Variants in TTLL8 observed in about 807,000 individuals in gnomAD.
The protein encoded by TTLL8 is tubulin tyrosine ligase like 8.
Under a neutral mutation model 77.8 loss-of-function variants are expected in TTLL8, and 65 were observed. The observed-to-expected ratio is 0.84, with a 90% CI of 0.68 to 1.03. The LOEUF (loss-of-function observed/expected upper bound fraction) is 1.03. Ranked by LOEUF, TTLL8 falls within the 50% of genes least tolerant of loss-of-function variation. The pLI is 0.00. For missense variants in TTLL8, 910 were observed against 1,004.5 expected, an observed-to-expected ratio of 0.91 and a Z score of 1.27; for synonymous variants, 402 against 422.8, an observed-to-expected ratio of 0.95 and a Z score of 0.60.
At position 50,027,919 on chromosome 22, in the gene TTLL8, G is replaced by A. The variant is rs574094736; in HGVS notation, c.2203+2511C>T. On this transcript the variant is annotated intron_variant, in intron 12 of 13. Transcript: ENST00000266182. ...CACGGGTTGGAGTTGTTTGCCACGC[G>A]TGGCAACTGCGGCAGGAACCTGACT... 1.3e-4 allele frequency among the ~76,000 whole-genome samples: 20 copies of A among 152,246 alleles called. No individual in the cohort carries two copies. The South Asian group carries it at 4.2e-3, about 32-fold the overall frequency.
At chr22:50,035,560 G>A (rs376070203) in intron 8 of TTLL8, among the ~76,000 whole-genome samples, 2 of 152,204 alleles carry the variant, frequency 1.3e-5, no homozygotes, top group Admixed American at 1.3e-4. Flanking sequence ...CGTGGTGAGC[G>A]CCGAGCACTC....
At chr22:50,048,794 C>T (rs547032723) in intron 3 of TTLL8, among the ~76,000 whole-genome samples, 7 of 152,350 alleles carry the variant, frequency 4.6e-5, no homozygotes, top group South Asian at 4.1e-4. Flanking sequence ...GTTTCTCTTT[C>T]GCCCTCTTTA....
intron 12 of TTLL8, among the ~76,000 whole-genome samples, chr22:50,024,779 C>T (rs2061222324): frequency 6.6e-6 from 1 of 152,178 alleles, no homozygotes; most frequent in Non-Finnish European, 1.5e-5. Context: ...CCAGTAAGCA[C>T]CAGGAGACCT....
At chr22:50,030,267 G>A in intron 12 of TTLL8, 163 bp downstream of exon 13, 1 of 984,366 alleles carries the variant, frequency 1.0e-6, no homozygotes, top group Non-Finnish European at 1.2e-6. Context: ...CCCCAACCCC[G>A]CTCCCCGGCT....
At position 50,045,196 on chromosome 22, in the gene TTLL8, C is replaced by A. The variant is rs2061400998; in HGVS notation, c.643+59G>T. The A allele has an allele frequency of 2.3e-6, 3 of 1,307,470 alleles. No homozygotes were observed. The African/African-American group carries it at 4.5e-5, about 20-fold the overall frequency. The allele number at this position is 1,307,470 out of a possible 1,614,324, so 81.0% of individuals were successfully genotyped here. On this transcript the variant is annotated intron_variant, in intron 6 of 13. Transcript: ENST00000266182. Reference sequence around the variant, plus strand: ...TGACCACACCCAGGAGGCGGGAGGGCCCCTGTGGAGGCCCCGAGCTCTGGT... The same window carrying A: ...TGACCACACCCAGGAGGCGGGAGGGACCCTGTGGAGGCCCCGAGCTCTGGT...
intron 12 of TTLL8, among the ~76,000 whole-genome samples, chr22:50,025,706 A>G (rs778231059): frequency 2.0e-5 from 3 of 152,194 alleles, no homozygotes; most frequent in Non-Finnish European, 4.4e-5. Context: ...AACCAAAGGC[A>G]AGCAACCTAA....
intron 12 of TTLL8, among the ~76,000 whole-genome samples, chr22:50,022,486 C>G (rs1482713128): frequency 6.6e-6 from 1 of 150,426 alleles, no homozygotes; most frequent in African/African-American, 2.5e-5. Context: ...ACTCCTCCAT[C>G]TGACGTGCAC....
At chr22:50,057,861 T>C (rs1447208531), upstream of TTLL8, among the ~76,000 whole-genome samples, 3 of 150,078 alleles carry the variant, frequency 2.0e-5, no homozygotes, top group African/African-American at 7.4e-5. Context: ...GCTGTGGAGT[T>C]CCCAGAAGAT....
At chr22:50,031,465 G>T in intron 11 of TTLL8, 2 of 846,764 alleles carry the variant, frequency 2.4e-6, no homozygotes, top group Non-Finnish European at 2.8e-6. Flanking sequence ...CACGCCTGGA[G>T]TAGCCCCTTC....
chr22:50,027,488 C>T (rs1477199759), intron 12 of TTLL8: 19 of 383,496 alleles, frequency 5.0e-5, no homozygotes, highest in African/African-American at 3.8e-4. Context: ...GAGCCAAGAT[C>T]GAGCCACTGC....
In TTLL8 at chr22:50,041,907, C is replaced by T; in HGVS notation, c.644-100G>A. On this transcript the variant is annotated intron_variant, in intron 6 of 13. Transcript: ENST00000266182. This position sits in a 1 kb window ranked among gnomAD's most constrained non-coding sequence, Gnocchi z 4.3. ...CTAAAGTCATGGACAAAGGCTGCTC[C>T]ACTCCCTCTGTGCCCCAATACCCAA... 3 of 1,071,254 alleles carry T rather than the reference C, an allele frequency of 2.8e-6. No homozygotes were observed. Among genetic ancestry groups the T allele is most frequent in the Non-Finnish European group, 2.4e-6 (2 of 817,892 alleles). The allele number at this position is 1,071,254 out of a possible 1,614,324, so 66.4% of individuals were successfully genotyped here.
chr22:50,050,212 C>T (rs774819874), exon 2 of TTLL8: 106 of 1,355,202 alleles, frequency 7.8e-5, no homozygotes, highest in Non-Finnish European at 9.8e-5. Context: ...CCCGGACCAC[C>T]GGGTAGTGTC....
intron 1 of TTLL8, among the ~76,000 whole-genome samples, chr22:50,052,688 C>A (rs879449000): frequency 2.0e-4 from 31 of 152,102 alleles, no homozygotes; most frequent in Admixed American, 1.5e-3. Context: ...GTAAAGAAAA[C>A]CATTTCATAA....
chr22:50,050,473 C>T (rs948408427), intron 1 of TTLL8, among the ~76,000 whole-genome samples: 1 of 151,388 alleles, frequency 6.6e-6, no homozygotes, highest in Non-Finnish European at 1.5e-5. Context: ...CAGGTTCAAG[C>T]AATTCTCCTG....
rs373586818 is a variant in TTLL8, at chr22:50,037,258, T to G, written c.922-2796A>C. The stretch of plus-strand genomic sequence containing the variant: ...CTTGCTCTGTTGCCCCAGGCTGGAG[T>G]GCAGTGGCGCCATCTCAGCTCACTG... On this transcript the variant is annotated intron_variant, in intron 8 of 13. Transcript: ENST00000266182. Among the ~76,000 whole-genome samples, 100 of 151,760 alleles carry G rather than the reference T, an allele frequency of 6.6e-4. No homozygotes were observed. The South Asian group carries it at 7.7e-3, about 12-fold the overall frequency.
At chr22:50,047,413 G>A (rs914577354) in intron 3 of TTLL8, 117 bp from the exon 6 acceptor site, 46 of 820,298 alleles carry the variant, frequency 5.6e-5, no homozygotes, top group Admixed American at 2.7e-4. Context: ...GATCCCAGCC[G>A]GGCTCTGCTG....
At chr22:50,019,961 G>C (rs953415732) in intron 12 of TTLL8, among the ~76,000 whole-genome samples, 4 of 152,046 alleles carry the variant, frequency 2.6e-5, no homozygotes, top group African/African-American at 9.7e-5. Context: ...AACATACCAG[G>C]AAAATCCTCA....
intron 12 of TTLL8, among the ~76,000 whole-genome samples, chr22:50,026,266 C>T (rs1244508359): frequency 1.3e-5 from 2 of 152,096 alleles, no homozygotes; most frequent in Admixed American, 6.5e-5. Flanking sequence ...GAAATACACC[C>T]GCCACTCTGC....
At chr22:50,032,164 C>A in intron 10 of TTLL8, 55 bp from the exon 12 acceptor site, 1 of 1,301,030 alleles carries the variant, frequency 7.7e-7, no homozygotes, top group Non-Finnish European at 1.0e-6. Flanking sequence ...GGAGGGCACC[C>A]AAGGCCGGTC....
Sources: allele counts gnomAD v4.1 joint callset (sites outside exome capture counted in the v4.1 genomes callset), GRCh38; gene constraint gnomAD v4.1.1; non-coding constraint Gnocchi (gnomAD v3.1); transcripts MANE v1.5; gene names NCBI Gene and HGNC (gene_info 2026-07-23, HGNC 2026-07-21).